The following HERC3 variants were observed in gnomAD, a reference collection of about 807,000 sequenced individuals.
HERC3 encodes probable E3 ubiquitin-protein ligase HERC3.
HERC3 carries 58 observed loss-of-function variants against 129.9 expected under a neutral mutation model. The observed-to-expected ratio is 0.45, with a 90% confidence interval of 0.36 to 0.56. The LOEUF (loss-of-function observed/expected upper bound fraction) is 0.56. Among genes scored for constraint, HERC3 ranks in the 20% least tolerant of loss-of-function variants. The probability of loss-of-function intolerance (pLI) is 0.00; values close to 1 mark genes in which losing one functional copy is unlikely to be tolerated. For missense variants in HERC3, 835 were observed against 1,244.2 expected (o/e 0.67, Z 4.95); for synonymous variants, 430 against 451.0 (o/e 0.95, Z 0.59).
At chr4:88,545,310 T>G in the HERC3 span, among the ~76,000 whole-genome samples, 3 of 152,308 alleles carry the variant, frequency 2.0e-5, no homozygotes, top group Middle Eastern at 3.4e-3. Context: ...AAAAAATTTT[T>G]GGTTATTCTA....
the HERC3 span, among the ~76,000 whole-genome samples, chr4:88,531,171 T>A: frequency 6.6e-6 from 1 of 151,944 alleles, no homozygotes; most frequent in Admixed American, 6.6e-5. Context: ...ATAGTATTTT[T>A]AAAAATTTTT....
chr4:88,664,236 A>C, intron 12 of HERC3, 24 bp downstream of exon 12: 1 of 1,588,290 alleles, frequency 6.3e-7, no homozygotes. Flanking sequence ...AGCCTTAAAA[A>C]ACCCTCACGT....
the HERC3 span, among the ~76,000 whole-genome samples, chr4:88,586,733 G>A: frequency 4.1e-3 from 619 of 152,320 alleles, 6 homozygotes; most frequent in African/African-American, 0.014. Flanking sequence ...TGTGGTCAGT[G>A]AAAAGGACAG....
At chr4:88,677,489 G>A (rs984044821) in intron 18 of HERC3, among the ~76,000 whole-genome samples, 4 of 151,806 alleles carry the variant, frequency 2.6e-5, no homozygotes, top group African/African-American at 4.8e-5. Context: ...TTTCCAGCTC[G>A]ACTGCATCTA....
rs764991535 is a variant in HERC3, at chr4:88,605,858, C to G, written c.35C>G (p.Pro12Arg). ...LCWGYWSLGQPGISTNLQGIV... is the reference protein window; with the variant it reads ...LCWGYWSLGQRGISTNLQGIV... The stretch of plus-strand genomic sequence containing the variant: ...TGGGGATATTGGTCTCTGGGCCAAC[C>G]TGGTATCAGCACCAACCTGCAGGGA... Residue 12 changes from proline to arginine, a missense_variant, in exon 3 of 26, where the codon CCT becomes CGT. Physicochemically the swap from Pro to Arg is moderately radical, Grantham distance 103 (BLOSUM62 -2). Transcript: ENST00000402738. 1.2e-6 allele frequency: 2 copies of G among 1,614,178 alleles called. No individual in the cohort carries two copies. Among genetic ancestry groups the G allele is most frequent in the African/African-American group, 1.3e-5 (1 of 75,038 alleles).
rs746895938 is a variant in HERC3, at chr4:88,664,237, A to G, written c.1331+25A>G. The stretch of plus-strand genomic sequence containing the variant: ...AGTAAGTGACTTAGAGCCTTAAAAA[A>G]CCCTCACGTGTACCTGTAGTCTCAA... On this transcript the variant is annotated intron_variant, in intron 12 of 25. Coordinates refer to ENST00000402738, the MANE Select transcript of HERC3 (RefSeq NM_014606.3). The G allele has an allele frequency of 5.7e-6, 9 of 1,585,032 alleles. No individual in the cohort carries two copies. In the East Asian group the frequency reaches 2.0e-4, roughly 36 times the overall value.
In HERC3 at chr4:88,681,310, C is replaced by CA. The variant is rs926018865; in HGVS notation, c.2493dup (p.Pro832ThrfsTer3). 5.0e-6 allele frequency: 8 copies of CA among 1,611,668 alleles called. No homozygotes were observed. Among genetic ancestry groups the CA allele is most frequent in the African/African-American group, 1.3e-5 (1 of 74,790 alleles). On this transcript the variant is annotated frameshift_variant, in exon 21 of 26. Transcript: ENST00000402738. LOFTEE classifies it high-confidence loss of function. Reference sequence around the variant, plus strand: ...GGCTTGGAAGACTTAAAGGAGTTGTCACCCACTGAAGGAAGGTACAAAGCT... The same window carrying CA: ...GGCTTGGAAGACTTAAAGGAGTTGTCAACCCACTGAAGGAAGGTACAAAGCT...
chr4:88,678,272 T>C (rs907673963), intron 19 of HERC3, 138 bp downstream of exon 19: 5 of 659,646 alleles, frequency 7.6e-6, no homozygotes, highest in Middle Eastern at 3.7e-4. Flanking sequence ...AATCACCTAC[T>C]TTTGTCAAAT....
At chr4:88,590,191 C>T (rs773654313), upstream of HERC3, among the ~76,000 whole-genome samples, 4 of 151,854 alleles carry the variant, frequency 2.6e-5, no homozygotes, top group African/African-American at 9.7e-5. Flanking sequence ...TTGCTTGAGC[C>T]GGGGAGGTGG....
At chr4:88,595,176 C>A (rs1722227297) in intron 1 of HERC3, among the ~76,000 whole-genome samples, 1 of 150,206 alleles carries the variant, frequency 6.7e-6, no homozygotes, top group African/African-American at 2.4e-5. Flanking sequence ...AAACAAGCTG[C>A]TATGTGTCAT....
In HERC3 at chr4:88,649,765, G is replaced by A. The variant is rs747179197; in HGVS notation, c.227-75G>A. On this transcript the variant is annotated intron_variant, in intron 3 of 25. Coordinates refer to ENST00000402738, the MANE Select transcript of HERC3 (RefSeq NM_014606.3). ...GTTAAAAAATAAAACTGCCCAGGAA[G>A]ATAATCCTGTGTAATGGTAGCAGTA... 333 of 1,277,624 alleles carry A rather than the reference G, an allele frequency of 2.6e-4. 4 individuals are homozygous for A. The highest frequency in any genetic ancestry group is 9.0e-4 in the South Asian group (69 of 77,024). 79.1% of individuals were successfully genotyped at this position (1,277,624 alleles called of 1,614,324 possible).
intron 18 of HERC3, among the ~76,000 whole-genome samples, chr4:88,677,377 T>C (rs1186556539): frequency 6.6e-6 from 1 of 152,186 alleles, no homozygotes; most frequent in Non-Finnish European, 1.5e-5. Context: ...CGTTTGTGAA[T>C]TAGCGGCTCA....
At chr4:88,591,828 C>T (rs1216483660), upstream of HERC3, among the ~76,000 whole-genome samples, 1 of 152,174 alleles carries the variant, frequency 6.6e-6, no homozygotes, top group Non-Finnish European at 1.5e-5. Flanking sequence ...GGTGCTCAGA[C>T]TCTTCTTGCT....
chr4:88,638,543 C>T (rs538341736), intron 3 of HERC3, among the ~76,000 whole-genome samples: 1 of 152,262 alleles, frequency 6.6e-6, no homozygotes, highest in East Asian at 1.9e-4. Flanking sequence ...TTCAACATCC[C>T]TTCATGTTAA....
intron 23 of HERC3, chr4:88,697,804 C>T (rs1262332040): frequency 6.5e-7 from 1 of 1,532,612 alleles, no homozygotes; most frequent in East Asian, 2.3e-5. Flanking sequence ...AGAGGCCCTG[C>T]ACCCGAGCTG....
At chr4:88,651,934 T>A in intron 4 of HERC3, 78 bp from the exon 5 acceptor site, 1 of 1,051,056 alleles carries the variant, frequency 9.5e-7, no homozygotes, top group East Asian at 2.4e-5. Flanking sequence ...ACTGACATTT[T>A]ATTTAATTGG....
chr4:88,679,140 A>G (rs549954894), intron 19 of HERC3, among the ~76,000 whole-genome samples: 3 of 152,316 alleles, frequency 2.0e-5, no homozygotes, highest in South Asian at 4.1e-4. Context: ...ATAGTACCCT[A>G]TGCATAAGGC....
Position 88,614,025 on chromosome 4 carries a change from A to T in HERC3, c.226+7976A>T, listed in dbSNP as rs537645102. Among the ~76,000 whole-genome samples, 7 of 152,290 alleles carry T rather than the reference A, an allele frequency of 4.6e-5. No homozygotes were observed. In the East Asian group the frequency reaches 1.2e-3, roughly 25 times the overall value. ...TACTTGAGTGTTTTAGAAAATGTGT[A>T]CTTATTAATGAGCATACTTGTTAGT... On this transcript the variant is annotated intron_variant, in intron 3 of 25. Coordinates refer to ENST00000402738, the MANE Select transcript of HERC3 (RefSeq NM_014606.3).
At chr4:88,678,240 T>G in intron 19 of HERC3, 106 bp downstream of exon 19, 1 of 955,700 alleles carries the variant, frequency 1.0e-6, no homozygotes, top group Admixed American at 2.3e-5. Flanking sequence ...CAGCCATTCT[T>G]TCATTCATTT....
Sources: gnomAD v4.1 joint callset for allele counts (sites outside exome capture counted in the v4.1 genomes callset) on GRCh38, gnomAD v4.1.1 for gene constraint, MANE v1.5 for transcripts, NCBI Gene and HGNC (gene_info 2026-07-23, HGNC 2026-07-21) for gene names.